The following ADAMTS18 variants were observed in gnomAD, a reference collection of about 807,000 sequenced individuals.
ADAMTS18 encodes A disintegrin and metalloproteinase with thrombospondin motifs 18.
A neutral mutation model predicts 165.9 loss-of-function variants in ADAMTS18; 157 were observed. That is an observed-to-expected ratio of 0.95 (90% CI 0.83 to 1.08). The LOEUF (loss-of-function observed/expected upper bound fraction) is 1.08, where lower values mean the gene tolerates loss of function less well. Among genes scored for constraint, ADAMTS18 ranks in the 50% least tolerant of loss-of-function variants. The pLI is 0.00. For missense variants in ADAMTS18, 2,040 were observed against 1,534.0 expected (o/e 1.33, Z -5.51); for synonymous variants, 782 against 578.2 (o/e 1.35, Z -5.06).
At chr16:77,314,778 A>ATATATATATATATATATG (rs1366859577) in intron 16 of ADAMTS18, among the ~76,000 whole-genome samples, 11 of 85,512 alleles carry the variant, frequency 1.3e-4, no homozygotes, top group Admixed American at 3.7e-4. Context: ...ATATATATAT[A>ATATATATATATATATATG]TATATATAAA....
intron 8 of ADAMTS18, among the ~76,000 whole-genome samples, chr16:77,356,931 A>G (rs529288867): frequency 1.2e-4 from 18 of 152,072 alleles, no homozygotes; most frequent in Admixed American, 3.9e-4. Flanking sequence ...ATGGGGAAAT[A>G]AGAGTCTTTG....
At chr16:77,288,587 G>C (rs901525117) in intron 22 of ADAMTS18, among the ~76,000 whole-genome samples, 2 of 152,064 alleles carry the variant, frequency 1.3e-5, no homozygotes, top group African/African-American at 4.8e-5. Context: ...TTTAGGTATA[G>C]TCCTAGGGCA....
intron 19 of ADAMTS18, 37 bp from the exon 20 acceptor site, chr16:77,293,295 T>G (rs2055403828): frequency 6.5e-7 from 1 of 1,539,906 alleles, no homozygotes; most frequent in African/African-American, 1.4e-5. Context: ...GCATTCCCAT[T>G]AGGTTTCAGT....
intron 20 of ADAMTS18, among the ~76,000 whole-genome samples, chr16:77,292,103 C>G (rs2055375212): frequency 6.6e-6 from 1 of 152,072 alleles, no homozygotes; most frequent in African/African-American, 2.4e-5. Flanking sequence ...CCCAGGAGTT[C>G]AAGACCAGCC....
At chr16:77,395,824 T>G (rs2057249879) in intron 3 of ADAMTS18, among the ~76,000 whole-genome samples, 1 of 152,104 alleles carries the variant, frequency 6.6e-6, no homozygotes, top group African/African-American at 2.4e-5. Context: ...TGGAAAAGCC[T>G]TTTGGTATTT....
intron 3 of ADAMTS18, among the ~76,000 whole-genome samples, chr16:77,376,687 T>C (rs1407147458): frequency 6.6e-6 from 1 of 152,226 alleles, no homozygotes; most frequent in East Asian, 1.9e-4. Flanking sequence ...AAATTGATTC[T>C]GACCCAGAGT....
chr16:77,417,022 T>C (rs2057539471), intron 3 of ADAMTS18, among the ~76,000 whole-genome samples: 1 of 152,186 alleles, frequency 6.6e-6, no homozygotes, highest in African/African-American at 2.4e-5. Flanking sequence ...CTTACATTGC[T>C]TGCCCTTTAA....
chr16:77,420,756 C>G (rs1484072516), intron 3 of ADAMTS18, among the ~76,000 whole-genome samples: 2 of 152,110 alleles, frequency 1.3e-5, no homozygotes, highest in Admixed American at 1.3e-4. Flanking sequence ...CATTATGTCT[C>G]TTCACAGCAT....
chr16:77,283,876 C>A lies in ADAMTS18; in HGVS notation c.*80G>T, dbSNP rs940455115. On this transcript the variant is annotated 3_prime_UTR_variant, in exon 23 of 23. Coordinates refer to ENST00000282849, the MANE Select transcript of ADAMTS18 (RefSeq NM_199355.4). Reference sequence around the variant, plus strand: ...CACAGATGGTTCTCGGTGCTCAGCTCCTGGTCTCAAAGGCAGCTGGTCTCT... The same window carrying A: ...CACAGATGGTTCTCGGTGCTCAGCTACTGGTCTCAAAGGCAGCTGGTCTCT... The A allele has an allele frequency of 9.1e-7, 1 of 1,103,336 alleles. No individual in the cohort carries two copies. The highest frequency in any genetic ancestry group is 1.4e-6 in the Non-Finnish European group (1 of 718,904). 68.3% of individuals were successfully genotyped at this position (1,103,336 alleles called of 1,614,324 possible).
intron 3 of ADAMTS18, among the ~76,000 whole-genome samples, chr16:77,372,629 C>A (rs971793346): frequency 6.6e-6 from 1 of 152,110 alleles, no homozygotes; most frequent in African/African-American, 2.4e-5. Flanking sequence ...GGTTCACATT[C>A]GTGGCCTTAT....
At chr16:77,334,719 ATACTACTATATAC>A (rs201852985) in intron 12 of ADAMTS18, among the ~76,000 whole-genome samples, 25 of 89,692 alleles carry the variant, frequency 2.8e-4, no homozygotes, top group East Asian at 6.8e-4. Context: ...ATACTATAGT[ATACTACTATATAC>A]TATAGTATAT....
chr16:77,418,736 C>T (rs577925076), intron 3 of ADAMTS18, among the ~76,000 whole-genome samples: 1 of 152,278 alleles, frequency 6.6e-6, no homozygotes, highest in South Asian at 2.1e-4. Flanking sequence ...TTAAGATGGC[C>T]ATGAATCTGA....
intron 9 of ADAMTS18, among the ~76,000 whole-genome samples, chr16:77,355,202 T>TTGTGTGTGTGTGTGTGTGTG (rs141620918): frequency 1.6e-4 from 23 of 146,596 alleles, no homozygotes; most frequent in Non-Finnish European, 2.9e-4. Flanking sequence ...AAAGGTAGGA[T>TTGTGTGTGTGTGTGTGTGTG]TGTGTGTGTG....
intron 12 of ADAMTS18, among the ~76,000 whole-genome samples, chr16:77,326,611 C>T (rs1282208017): frequency 1.3e-5 from 2 of 152,096 alleles, no homozygotes; most frequent in Admixed American, 6.6e-5. Flanking sequence ...TCAAACTCCT[C>T]GGTTCAAGTG....
rs1262809636 is a variant in ADAMTS18 at position 77,335,849 on chromosome 16, T to C, written c.1766A>G (p.His589Arg). ...CTTCGACCAGGCGGACCACTGGCCGTGGATGGGCCGGGGCCCGAGCTCCCC... is the reference window on the plus strand; with the variant it reads ...CTTCGACCAGGCGGACCACTGGCCGCGGATGGGCCGGGGCCCGAGCTCCCC... ...KFGELGPRPI[H>R]GQWSAWSKWS... Residue 589 changes from histidine (H) to arginine (R), a missense_variant, in exon 12 of 23, where the codon CAC (histidine) becomes CGC (arginine). Coordinates refer to ENST00000282849, the MANE Select transcript of ADAMTS18 (RefSeq NM_199355.4). 2 of 1,614,148 alleles carry C rather than the reference T, an allele frequency of 1.2e-6. No individual in the cohort carries two copies. Among genetic ancestry groups the C allele is most frequent in the East Asian group, 2.2e-5 (1 of 44,868 alleles).
intron 3 of ADAMTS18, among the ~76,000 whole-genome samples, chr16:77,397,265 A>G (rs966966686): frequency 2.0e-5 from 3 of 152,240 alleles, no homozygotes; most frequent in African/African-American, 2.4e-5. Flanking sequence ...TTATTCCTAC[A>G]TAAGTGAAAT....
At chr16:77,319,754 T>A (rs925113481) in intron 16 of ADAMTS18, 95 bp downstream of exon 16, 174 of 1,598,142 alleles carry the variant, frequency 1.1e-4, no homozygotes, top group Admixed American at 1.8e-4. Context: ...GGAAACACCT[T>A]TGAACTAGAA....
At chr16:77,404,585 A>G (rs1038418764) in intron 3 of ADAMTS18, among the ~76,000 whole-genome samples, 27 of 152,328 alleles carry the variant, frequency 1.8e-4, no homozygotes, top group African/African-American at 6.5e-4. Context: ...TCTCAAATAC[A>G]TAGTAGATGG....
chr16:77,352,344 T>C (rs12232404), intron 10 of ADAMTS18, among the ~76,000 whole-genome samples: 46,805 of 151,896 alleles, frequency 0.31, 8,122 homozygotes, highest in East Asian at 0.63. Context: ...TGACTGAAGT[T>C]TAGGAAACAC....
Sources: allele counts gnomAD v4.1 joint callset (sites outside exome capture counted in the v4.1 genomes callset), GRCh38; gene constraint gnomAD v4.1.1; transcripts MANE v1.5; gene names NCBI Gene and HGNC (gene_info 2026-07-23, HGNC 2026-07-21).